The following CCDC171 variants were observed in gnomAD, a reference collection of about 807,000 sequenced individuals.
The protein encoded by CCDC171 is coiled-coil domain containing 171, also known as coiled-coil domain-containing protein 171.
A neutral mutation model predicts 168.2 loss-of-function variants in CCDC171; 177 were observed. The ratio of observed to expected loss-of-function variants is 1.05; its 90% CI spans 0.93 to 1.19. CCDC171 has a LOEUF of 1.19. Among genes scored for constraint, CCDC171 ranks in the 50% most tolerant of loss-of-function variants. The pLI is 0.00. For synonymous variants in CCDC171, 687 were observed against 540.8 expected (o/e 1.27, Z -3.75); for missense variants, 1,991 against 1,539.0 (o/e 1.29, Z -4.91).
intron 19 of CCDC171, 85 bp from the exon 20 acceptor site, chr9:15,778,882 GT>G: frequency 1.0e-6 from 1 of 1,003,322 alleles, no homozygotes; most frequent in Non-Finnish European, 1.3e-6. Context: ...GATAATCTAA[GT>G]TACATTTAAT....
At chr9:16,091,231 A>T in the CCDC171 span, among the ~76,000 whole-genome samples, 4 of 152,228 alleles carry the variant, frequency 2.6e-5, no homozygotes, top group Non-Finnish European at 5.9e-5. Flanking sequence ...TCAAATACAG[A>T]TAGTGCACAG....
intron 6 of CCDC171, among the ~76,000 whole-genome samples, chr9:16,031,227 C>T (rs1833360132): frequency 6.6e-6 from 1 of 152,202 alleles, no homozygotes; most frequent in Admixed American, 6.5e-5. Flanking sequence ...CCAACTGGAA[C>T]ACCAATGCAT....
intron 24 of CCDC171, among the ~76,000 whole-genome samples, chr9:15,912,603 C>G (rs1823859417): frequency 1.3e-5 from 2 of 152,100 alleles, no homozygotes; most frequent in Admixed American, 1.3e-4. Context: ...AGAGGGCATC[C>G]TTGTCTTGTG....
At chr9:15,982,352 C>G (rs1831825294) in intron 3 of CCDC171, among the ~76,000 whole-genome samples, 1 of 152,124 alleles carries the variant, frequency 6.6e-6, no homozygotes, top group African/African-American at 2.4e-5. Flanking sequence ...CCTCGTGAAC[C>G]TCAGATTCCT....
At chr9:15,600,856 T>C (rs2042792322) in intron 6 of CCDC171, among the ~76,000 whole-genome samples, 1 of 152,180 alleles carries the variant, frequency 6.6e-6, no homozygotes, top group Non-Finnish European at 1.5e-5. Flanking sequence ...TCCCCCAGCC[T>C]CGCTGCCACC....
At chr9:16,033,162 C>T (rs946451020) in intron 6 of CCDC171, among the ~76,000 whole-genome samples, 3 of 152,184 alleles carry the variant, frequency 2.0e-5, no homozygotes, top group African/African-American at 7.2e-5. Context: ...CATCTCAATA[C>T]CACAGAGTCA....
At chr9:16,091,293 C>T in the CCDC171 span, among the ~76,000 whole-genome samples, 1 of 152,210 alleles carries the variant, frequency 6.6e-6, no homozygotes, top group Non-Finnish European at 1.5e-5. Context: ...TCACCCCACA[C>T]TCACCATTCT....
chr9:15,761,255 G>A (rs2056430513), intron 18 of CCDC171, among the ~76,000 whole-genome samples: 1 of 152,070 alleles, frequency 6.6e-6, no homozygotes. Context: ...CGTACTTTGA[G>A]TTAACTTTCT....
At chr9:16,010,567 A>G (rs2132983600) in intron 3 of CCDC171, among the ~76,000 whole-genome samples, 2 of 152,216 alleles carry the variant, frequency 1.3e-5, no homozygotes, top group South Asian at 4.1e-4. Flanking sequence ...GCTTCCTCCT[A>G]AAGAAATGGC....
the CCDC171 span, among the ~76,000 whole-genome samples, chr9:16,101,000 G>A: frequency 0.28 from 43,137 of 152,112 alleles, 7,277 homozygotes; most frequent in African/African-American, 0.48. Flanking sequence ...GGGAACGGCA[G>A]TTGCTCTCAG....
chr9:16,039,151 T>C (rs573967100), upstream of CCDC171, among the ~76,000 whole-genome samples: 31 of 152,302 alleles, frequency 2.0e-4, 1 homozygote, highest in South Asian at 1.7e-3. Context: ...CAAATAGTGC[T>C]TCTGGTTCCA....
At chr9:15,951,233 A>C (rs899124482) in intron 25 of CCDC171, among the ~76,000 whole-genome samples, 1 of 147,290 alleles carries the variant, frequency 6.8e-6, no homozygotes, top group African/African-American at 2.4e-5. Context: ...AAAGTCAACA[A>C]GTATACCCAG....
chr9:15,651,922 T>C (rs1165230170), intron 7 of CCDC171, among the ~76,000 whole-genome samples: 1 of 152,182 alleles, frequency 6.6e-6, no homozygotes, highest in Non-Finnish European at 1.5e-5. Flanking sequence ...TTTGGATTTT[T>C]TTTGAGACAG....
At chr9:15,600,492 T>A (rs1005774660) in intron 6 of CCDC171, among the ~76,000 whole-genome samples, 4 of 152,192 alleles carry the variant, frequency 2.6e-5, no homozygotes, top group Non-Finnish European at 5.9e-5. Flanking sequence ...ATTGTTCTTC[T>A]GGAAGTTTTG....
intron 16 of CCDC171, among the ~76,000 whole-genome samples, chr9:15,743,850 C>G (rs2055068715): frequency 6.6e-6 from 1 of 152,056 alleles, no homozygotes; most frequent in Non-Finnish European, 1.5e-5. Flanking sequence ...AAAGTAAAGT[C>G]TTTTTTACAT....
intron 16 of CCDC171, among the ~76,000 whole-genome samples, chr9:15,739,575 T>C (rs1011648220): frequency 2.0e-5 from 3 of 152,152 alleles, no homozygotes; most frequent in Non-Finnish European, 4.4e-5. Flanking sequence ...TAAAAAAATA[T>C]ATGTAAAGCA....
rs76923577 is a variant in CCDC171 at position 15,867,330 on chromosome 9, G to A, written c.3469-7202G>A. 5.9e-3 allele frequency among the ~76,000 whole-genome samples: 895 copies of A among 151,984 alleles called. 14 individuals carry two copies. The highest frequency in any genetic ancestry group is 0.021 in the African/African-American group (852 of 41,470). On this transcript the variant is annotated intron_variant, in intron 23 of 25. Coordinates refer to ENST00000380701, the MANE Select transcript of CCDC171 (RefSeq NM_173550.4). ...AGTTATTTTTGATTTTTAGTTTTCC[G>A]TGCATTTATAAGGAGTACAAAGAAT...
intron 19 of CCDC171, among the ~76,000 whole-genome samples, chr9:15,778,502 G>C (rs963324418): frequency 6.6e-6 from 1 of 151,416 alleles, no homozygotes; most frequent in Non-Finnish European, 1.5e-5. Flanking sequence ...AGCCAGGGGT[G>C]GTGGTGGGTG....
At position 15,624,551 on chromosome 9, in the gene CCDC171, G is replaced by C. The variant is rs573511722; in HGVS notation, c.822+1138G>C. On this transcript the variant is annotated intron_variant, in intron 7 of 25. Transcript: ENST00000380701. ...TTGTTCAATTCTCACCTATGAGTGA[G>C]AACATACGGTGTTTGGTTTTCTGTC... 4.6e-5 allele frequency among the ~76,000 whole-genome samples: 7 copies of C among 152,192 alleles called. No homozygotes were observed. In the East Asian group the frequency reaches 7.7e-4, roughly 17 times the overall value.
Sources: allele counts gnomAD v4.1 joint callset (sites outside exome capture counted in the v4.1 genomes callset), GRCh38; gene constraint gnomAD v4.1.1; transcripts MANE v1.5; gene names NCBI Gene and HGNC (gene_info 2026-07-23, HGNC 2026-07-21).